The following PSAT1 variants were observed in gnomAD, a reference collection of about 807,000 sequenced individuals.
PSAT1 encodes the protein phosphoserine aminotransferase.
In PSAT1, 41 loss-of-function variants were observed where a neutral mutation model predicts 40.3. The observed-to-expected ratio is 1.02, with a 90% CI of 0.79 to 1.32. PSAT1 has a LOEUF of 1.32. Among genes scored for constraint, PSAT1 ranks in the 40% most tolerant of loss-of-function variants. PSAT1 has a pLI of 0.00. For synonymous variants in PSAT1, 147 were observed against 170.5 expected, an observed-to-expected ratio of 0.86 and a Z score of 1.07; for missense variants, 406 against 455.8, an observed-to-expected ratio of 0.89 and a Z score of 0.99.
At chr9:78,303,272 C>T (rs966110355) in intron 3 of PSAT1, among the ~76,000 whole-genome samples, 10 of 152,164 alleles carry the variant, frequency 6.6e-5, no homozygotes, top group East Asian at 3.9e-4. Context: ...GAGCTGTAGA[C>T]GCTAATTGCA....
At position 78,328,138 on chromosome 9, in the gene PSAT1, A is replaced by G. The variant is rs1268608995; in HGVS notation, c.957A>G (p.Arg319=). ...AAGGAGATGATGCTTTAGAAAAAAG[A>G]TTTCTTGATAAAGCTCTTGAACTCA... The part of the protein sequence containing the change: ...NAKGDDALEK[R]FLDKALELNM... Residue 319 remains arginine (R), a synonymous_variant, in exon 8 of 9, where the codon AGA becomes AGG. Coordinates refer to ENST00000376588, the MANE Select transcript of PSAT1 (RefSeq NM_058179.4). 4 of 1,613,276 alleles carry G rather than the reference A, an allele frequency of 2.5e-6. No individual in the cohort carries two copies. The highest frequency in any genetic ancestry group is 4.5e-5 in the East Asian group (2 of 44,888).
intron 8 of PSAT1, 34 bp from the exon 9 acceptor site, chr9:78,328,947 T>TTG: frequency 6.4e-7 from 1 of 1,556,772 alleles, no homozygotes; most frequent in Non-Finnish European, 8.9e-7. Context: ...TTAGACGTTT[T>TTG]TGTTCTCAAT....
chr9:78,301,389 C>A (rs1394725787), intron 2 of PSAT1, among the ~76,000 whole-genome samples: 5 of 152,144 alleles, frequency 3.3e-5, no homozygotes, highest in African/African-American at 1.2e-4. Flanking sequence ...GAAGACCTCG[C>A]ACATTGATAA....
intron 1 of PSAT1, among the ~76,000 whole-genome samples, chr9:78,299,774 G>A (rs1008634516): frequency 1.1e-4 from 16 of 152,160 alleles, no homozygotes; most frequent in African/African-American, 3.6e-4. Flanking sequence ...GCCTCCCAAA[G>A]TGCTGGGATT....
Position 78,300,665 on chromosome 9 carries a change from A to G in PSAT1, c.121+3A>G, listed in dbSNP as rs1477162824. 6.3e-7 allele frequency: 1 copy of G among 1,598,172 alleles called. No homozygotes were observed. Among genetic ancestry groups the G allele is most frequent in the Non-Finnish European group, 8.5e-7 (1 of 1,173,420 alleles). On this transcript the variant is annotated splice_donor_region_variant and intron_variant, in intron 2 of 8. Coordinates refer to ENST00000376588, the MANE Select transcript of PSAT1 (RefSeq NM_058179.4). ...AGGAGTTGGCATTAGTGTTCTTGGT[A>G]AGATTTACTTTTGAATTCTGTGAAT...
intron 1 of PSAT1, among the ~76,000 whole-genome samples, chr9:78,300,315 T>C (rs1828088671): frequency 6.6e-6 from 1 of 152,138 alleles, no homozygotes; most frequent in Non-Finnish European, 1.5e-5. Context: ...GAGTGGTGAA[T>C]GAGATTTGTG....
chr9:78,305,392 G>A (rs974271220), intron 4 of PSAT1, among the ~76,000 whole-genome samples: 3 of 152,234 alleles, frequency 2.0e-5, no homozygotes, highest in Non-Finnish European at 2.9e-5. Flanking sequence ...TGGGATTACA[G>A]GCGTGAGCCA....
At chr9:78,308,393 G>T (rs764359351) in intron 5 of PSAT1, 21 bp from the exon 6 acceptor site, 1 of 1,611,570 alleles carries the variant, frequency 6.2e-7, no homozygotes, top group Admixed American at 1.7e-5. Context: ...TTCTTAAGCA[G>T]CATGTCTTTC....
At chr9:78,319,052 C>T (rs73453062) in intron 7 of PSAT1, among the ~76,000 whole-genome samples, 6,787 of 152,244 alleles carry the variant, frequency 0.045, 460 homozygotes, top group African/African-American at 0.15. Flanking sequence ...CTGAGAACCC[C>T]CTTCTTAGTG....
intron 6 of PSAT1, among the ~76,000 whole-genome samples, chr9:78,312,936 C>G (rs749136117): frequency 3.9e-5 from 6 of 152,164 alleles, no homozygotes; most frequent in Non-Finnish European, 8.8e-5. Flanking sequence ...GCCATAACAT[C>G]AACTTCAGAA....
chr9:78,298,741 G>A (rs1355288570), intron 1 of PSAT1, among the ~76,000 whole-genome samples: 1 of 151,994 alleles, frequency 6.6e-6, no homozygotes, highest in East Asian at 1.9e-4. Flanking sequence ...AGGGTGAGGG[G>A]GCAGGCAGAT....
chr9:78,308,516 C>T lies in PSAT1; in HGVS notation c.673C>T (p.Pro225Ser), dbSNP rs1239589266. 4 of 1,614,002 alleles carry T rather than the reference C, an allele frequency of 2.5e-6. No homozygotes were observed. In the East Asian group the frequency reaches 6.7e-5, roughly 27 times the overall value. The change falls in exon 6 of 9, where the codon CCC (proline) becomes TCC (serine). Residue 225 changes from proline (P) to serine (S), a missense_variant. Physicochemically the swap from Pro to Ser is moderately conservative, Grantham distance 74. Transcript: ENST00000376588. ...GCTGGGGTTTGCCCTCCGAGAGTGC[C>T]CCTCGGTCCTGGAATACAAGGTGCA... ...DLLGFALREC[P>S]SVLEYKVQAG...
intron 6 of PSAT1, among the ~76,000 whole-genome samples, chr9:78,312,471 G>A (rs1828282124): frequency 6.6e-6 from 1 of 151,830 alleles, no homozygotes; most frequent in Non-Finnish European, 1.5e-5. Context: ...CGAGGCAGGT[G>A]GATCACCTGA....
At chr9:78,303,779 T>C (rs1273779487) in intron 3 of PSAT1, among the ~76,000 whole-genome samples, 1 of 152,194 alleles carries the variant, frequency 6.6e-6, no homozygotes, top group Non-Finnish European at 1.5e-5. Flanking sequence ...TGCCCTGCCC[T>C]TTATTAATTT....
intron 3 of PSAT1, 61 bp from the exon 4 acceptor site, chr9:78,304,674 T>A (rs1828154479): frequency 1.3e-6 from 2 of 1,491,166 alleles, no homozygotes; most frequent in Non-Finnish European, 1.9e-6. Context: ...AGAGCATCAC[T>A]TGTTCTCAAT....
rs1828091862 is a variant in PSAT1, at chr9:78,300,525, C to CGTCAGGT, written c.61-76_61-70dup. On this transcript the variant is annotated intron_variant, in intron 1 of 8. Transcript: ENST00000376588. ...CACTGTAGACCCTTCCTTGTCCCCT[C>CGTCAGGT]GTCAGGTTTGTATGTTCAGAGGGAA... 11 of 1,520,882 alleles carry CGTCAGGT rather than the reference C, an allele frequency of 7.2e-6. No homozygotes were observed. The South Asian group carries it at 1.1e-4, about 16-fold the overall frequency. 94.2% of individuals were successfully genotyped at this position (1,520,882 alleles called of 1,614,324 possible).
In PSAT1 at chr9:78,329,791, C is replaced by T. The variant is rs1345251010; in HGVS notation, c.*705C>T. 1 of 152,096 alleles carries T rather than the reference C, an allele frequency of 6.6e-6. No individual in the cohort carries two copies. 9.4% of individuals were successfully genotyped at this position (152,096 alleles called of 1,614,324 possible). A position where few individuals can be genotyped will look rare whatever the true frequency, so the allele number is the denominator to read the frequency against. ...CATTCCATTAGCAAGAGTTGTACCCCCTCCCCAGTCTTCGCCTTCCTCTTT... is the reference window on the plus strand; with the variant it reads ...CATTCCATTAGCAAGAGTTGTACCCTCTCCCCAGTCTTCGCCTTCCTCTTT... On this transcript the variant is annotated 3_prime_UTR_variant, in exon 9 of 9. Transcript: ENST00000376588.
chr9:78,315,286 T>C (rs1047959919), intron 6 of PSAT1, among the ~76,000 whole-genome samples: 1 of 152,196 alleles, frequency 6.6e-6, no homozygotes, highest in Non-Finnish European at 1.5e-5. Context: ...GTTGGAGTCC[T>C]GGCTTTAAGC....
intron 6 of PSAT1, among the ~76,000 whole-genome samples, chr9:78,315,729 G>C (rs1046201702): frequency 2.0e-4 from 31 of 152,216 alleles, no homozygotes; most frequent in Admixed American, 4.6e-4. Context: ...ACATGAGCTG[G>C]CATGAGCCAC....
Sources: gnomAD v4.1 joint callset for allele counts (sites outside exome capture counted in the v4.1 genomes callset) on GRCh38, gnomAD v4.1.1 for gene constraint, MANE v1.5 for transcripts, NCBI Gene and HGNC (gene_info 2026-07-23, HGNC 2026-07-21) for gene names.